The following CDC40 variants were observed in gnomAD, a reference collection of about 807,000 sequenced individuals.
The protein encoded by CDC40 is cell division cycle 40, also known as pre-mRNA-processing factor 17.
In CDC40, 27 loss-of-function variants were observed where a neutral mutation model predicts 80.6. The ratio of observed to expected loss-of-function variants is 0.33; its 90% CI spans 0.25 to 0.46. The LOEUF (loss-of-function observed/expected upper bound fraction) is 0.46, where lower values mean the gene tolerates loss of function less well. Among genes scored for constraint, CDC40 ranks in the 20% least tolerant of loss-of-function variants. The probability of loss-of-function intolerance (pLI) is 1.00; values close to 1 mark genes in which losing one functional copy is unlikely to be tolerated. For synonymous variants in CDC40, 221 were observed against 232.6 expected (o/e 0.95, Z 0.45); for missense variants, 486 against 694.1 (o/e 0.70, Z 3.37).
intron 12 of CDC40, 114 bp downstream of exon 12, chr6:110,219,983 A>G (rs1777747682): frequency 1.8e-6 from 2 of 1,089,062 alleles, no homozygotes; most frequent in South Asian, 3.4e-5. Context: ...TGCAACTGTG[A>G]TCCTGGCTTG....
intron 4 of CDC40, among the ~76,000 whole-genome samples, chr6:110,208,693 A>G (rs983480790): frequency 6.6e-6 from 1 of 152,192 alleles, no homozygotes; most frequent in Non-Finnish European, 1.5e-5. Flanking sequence ...ATGTCACTTT[A>G]TTATTACTTA....
intron 5 of CDC40, 67 bp downstream of exon 5, chr6:110,209,290 T>C: frequency 7.1e-7 from 1 of 1,412,780 alleles, no homozygotes; most frequent in Middle Eastern, 1.8e-4. Context: ...ATATCTACAT[T>C]AATAAACTTG....
In CDC40 at chr6:110,182,388, G is replaced by A. The variant is rs926438917; in HGVS notation, c.189+1755G>A. Among the ~76,000 whole-genome samples, 8 of 152,208 alleles carry A rather than the reference G, an allele frequency of 5.3e-5. 1 individual carries two copies. The highest frequency in any genetic ancestry group is 3.9e-4 in the East Asian group (2 of 5,180). On this transcript the variant is annotated intron_variant, in intron 1 of 14. Coordinates refer to ENST00000307731, the MANE Select transcript of CDC40 (RefSeq NM_015891.3). The stretch of plus-strand genomic sequence containing the variant: ...GTACATTTGTCTTTTGCAGGTTGGC[G>A]CTCAGCCACCTCCAATTCAGTGTGT...
intron 5 of CDC40, among the ~76,000 whole-genome samples, chr6:110,209,857 T>A (rs1017484677): frequency 6.6e-6 from 1 of 152,190 alleles, no homozygotes; most frequent in African/African-American, 2.4e-5. Context: ...ACAGGTGATA[T>A]CTAAGATGAA....
intron 2 of CDC40, 104 bp from the exon 3 acceptor site, chr6:110,201,454 A>C: frequency 1.4e-4 from 97 of 716,880 alleles, no homozygotes; most frequent in Non-Finnish European, 1.7e-4. Context: ...ATAGGTTAAT[A>C]GGCCCTTTTT....
At chr6:110,221,815 T>C (rs1243353731) in intron 12 of CDC40, among the ~76,000 whole-genome samples, 2 of 152,038 alleles carry the variant, frequency 1.3e-5, no homozygotes, top group African/African-American at 4.8e-5. Flanking sequence ...AAGTAAAACA[T>C]TGGTCAGGAA....
At chr6:110,219,988 G>A in intron 12 of CDC40, 119 bp downstream of exon 12, 1 of 998,390 alleles carries the variant, frequency 1.0e-6, no homozygotes, top group Non-Finnish European at 1.4e-6. Context: ...CTGTGATCCT[G>A]GCTTGCCAAT....
intron 1 of CDC40, among the ~76,000 whole-genome samples, chr6:110,181,153 A>T (rs1562197101): frequency 6.6e-6 from 1 of 152,232 alleles, no homozygotes; most frequent in Non-Finnish European, 1.5e-5. Flanking sequence ...GAGTGAAATT[A>T]CACAAATAAA....
Position 110,201,434 on chromosome 6 carries a change from G to A in CDC40, c.277-124G>A. The stretch of plus-strand genomic sequence containing the variant: ...CTGCACTGAACCGTATCAGGCTAAT[G>A]TGTTCCCAGATAGGTTAATAGGCCC... On this transcript the variant is annotated intron_variant, in intron 2 of 14. Transcript: ENST00000307731. The A allele has an allele frequency of 8.0e-6, 5 of 622,548 alleles. No homozygotes were observed. The South Asian group carries it at 1.2e-4, about 15-fold the overall frequency. 38.6% of individuals were successfully genotyped at this position (622,548 alleles called of 1,614,324 possible).
At chr6:110,203,712 T>G (rs772991175) in intron 3 of CDC40, among the ~76,000 whole-genome samples, 1 of 152,212 alleles carries the variant, frequency 6.6e-6, no homozygotes, top group Non-Finnish European at 1.5e-5. Flanking sequence ...AATAGTCTCA[T>G]TTACTGTGTC....
intron 1 of CDC40, among the ~76,000 whole-genome samples, chr6:110,188,627 T>A (rs1339356884): frequency 6.6e-6 from 1 of 152,192 alleles, no homozygotes; most frequent in African/African-American, 2.4e-5. Context: ...GGCTCAGGAC[T>A]GTTGGGTGGG....
At chr6:110,201,434 G>T in intron 2 of CDC40, 124 bp from the exon 3 acceptor site, 1 of 622,548 alleles carries the variant, frequency 1.6e-6, no homozygotes, top group Non-Finnish European at 2.7e-6. Context: ...TCAGGCTAAT[G>T]TGTTCCCAGA....
At chr6:110,216,558 T>C (rs1562205952) in intron 9 of CDC40, among the ~76,000 whole-genome samples, 1 of 152,132 alleles carries the variant, frequency 6.6e-6, no homozygotes, top group Non-Finnish European at 1.5e-5. Context: ...ACTGAAATTT[T>C]CCTCCTGAAG....
chr6:110,192,438 G>A (rs369897226), intron 1 of CDC40, among the ~76,000 whole-genome samples: 51 of 152,314 alleles, frequency 3.3e-4, no homozygotes, highest in African/African-American at 1.2e-3. Flanking sequence ...AGGCTGGAAG[G>A]ATTCATTGTG....
At chr6:110,200,332 T>C (rs1203477940) in intron 2 of CDC40, among the ~76,000 whole-genome samples, 1 of 152,202 alleles carries the variant, frequency 6.6e-6, no homozygotes, top group African/African-American at 2.4e-5. Flanking sequence ...TAAGAGAAGA[T>C]GAGTAATTTT....
intron 12 of CDC40, among the ~76,000 whole-genome samples, chr6:110,220,829 TCATGTGACTTACTACCACGCAAGA>T (rs1423001147): frequency 6.6e-6 from 1 of 152,134 alleles, no homozygotes; most frequent in Non-Finnish European, 1.5e-5. Flanking sequence ...CCATCAGATC[TCATGTGACTTACTACCACGCAAGA>T]ACAGTATGGT....
At position 110,213,151 on chromosome 6, in the gene CDC40, T is replaced by C. The variant is rs773526053; in HGVS notation, c.933T>C (p.Cys311=). The C allele has an allele frequency of 1.0e-5, 16 of 1,600,698 alleles. No individual in the cohort carries two copies. Among genetic ancestry groups the C allele is most frequent in the African/African-American group, 1.3e-5 (1 of 74,792 alleles). ...TATTGCTGTCTTGTTCCATGGACTG[T>C]AAAATTAAGGTGAGTTTTCAGTAAC... ...GHLLLSCSMD[C]KIKLWEVYGE... is the part of the protein sequence containing the mutation. Residue 311 remains cysteine (C), a synonymous_variant, in exon 8 of 15, where the codon TGT becomes TGC. Coordinates refer to ENST00000307731, the MANE Select transcript of CDC40 (RefSeq NM_015891.3).
chr6:110,229,837 AT>A, intron 14 of CDC40, 116 bp from the exon 15 acceptor site: 1 of 638,826 alleles, frequency 1.6e-6, no homozygotes, highest in Non-Finnish European at 2.7e-6. Context: ...AGTATTGTAT[AT>A]TTGCATTGGA....
intron 11 of CDC40, 92 bp downstream of exon 11, chr6:110,219,571 T>C: frequency 9.2e-7 from 1 of 1,087,004 alleles, no homozygotes. Context: ...ACTCATTTAA[T>C]GTTTGCTACT....
Sources: gnomAD v4.1 joint callset for allele counts (sites outside exome capture counted in the v4.1 genomes callset) on GRCh38, gnomAD v4.1.1 for gene constraint, MANE v1.5 for transcripts, NCBI Gene and HGNC (gene_info 2026-07-23, HGNC 2026-07-21) for gene names.